The following NETO1 variants were observed in gnomAD, a reference collection of about 807,000 sequenced individuals.
NETO1 encodes neuropilin and tolloid-like protein 1.
A neutral mutation model predicts 61.3 loss-of-function variants in NETO1; 26 were observed. That is an observed-to-expected ratio of 0.42 (90% CI 0.31 to 0.59). The LOEUF (loss-of-function observed/expected upper bound fraction) is 0.59. Among genes scored for constraint, NETO1 ranks in the 20% least tolerant of loss-of-function variants. The pLI is 0.12. For missense variants in NETO1, 531 were observed against 662.8 expected, an observed-to-expected ratio of 0.80 and a Z score of 2.18; for synonymous variants, 225 against 225.8, an observed-to-expected ratio of 1.00 and a Z score of 0.03.
intron 4 of NETO1, among the ~76,000 whole-genome samples, chr18:72,848,698 C>A (rs928893693): frequency 6.6e-6 from 1 of 152,178 alleles, no homozygotes; most frequent in Admixed American, 6.5e-5. Flanking sequence ...GGACTTAACT[C>A]CCCACCCTGT....
At position 72,787,244 on chromosome 18, in the gene NETO1, A is replaced by C. The variant is rs187177258; in HGVS notation, c.640-3338T>G. Among the ~76,000 whole-genome samples, 144 of 151,544 alleles carry C rather than the reference A, an allele frequency of 9.5e-4. No individual in the cohort carries two copies. In the South Asian group the frequency reaches 0.012, roughly 12 times the overall value. On this transcript the variant is annotated intron_variant, in intron 6 of 10. Coordinates refer to ENST00000327305, the MANE Select transcript of NETO1 (RefSeq NM_138966.5). ...ATTCAACAAGTTAATCAGCTCTCAA[A>C]AAAGATGCAATTATAATTGGAAGTA... is the stretch of plus-strand genomic sequence containing the variant.
In NETO1 at chr18:72,750,201, G is replaced by C. The variant is rs1391229627; in HGVS notation, c.1402C>G (p.Pro468Ala). 2 of 1,614,074 alleles carry C rather than the reference G, an allele frequency of 1.2e-6. No homozygotes were observed. Among genetic ancestry groups the C allele is most frequent in the East Asian group, 4.5e-5 (2 of 44,862 alleles). The change falls in exon 9 of 11, where the codon CCA (proline) becomes GCA (alanine). Residue 468 changes from proline to alanine, a missense_variant. Physicochemically the swap from Pro to Ala is conservative, Grantham distance 27 (BLOSUM62 -1). Coordinates refer to ENST00000327305, the MANE Select transcript of NETO1 (RefSeq NM_138966.5). Reference sequence around the variant, plus strand: ...AGGATATTTCTTCTGTTCATGGGTGGGATGAGGGGTTTTCCTGGCTGTGTG... The same window carrying C: ...AGGATATTTCTTCTGTTCATGGGTGCGATGAGGGGTTTTCCTGGCTGTGTG... ...MPTQPGKPLI[P>A]PMNRRNILVM... is the part of the protein sequence containing the mutation.
intron 7 of NETO1, among the ~76,000 whole-genome samples, chr18:72,775,359 T>G (rs984787176): frequency 6.6e-6 from 1 of 152,198 alleles, no homozygotes; most frequent in Non-Finnish European, 1.5e-5. Context: ...CATACCTCCT[T>G]TATACACTCA....
At chr18:72,773,876 A>C (rs1048128089) in intron 7 of NETO1, among the ~76,000 whole-genome samples, 1 of 152,164 alleles carries the variant, frequency 6.6e-6, no homozygotes, top group African/African-American at 2.4e-5. Flanking sequence ...TCTGCCTTCC[A>C]CAGAGTATTT....
chr18:72,809,108 G>A (rs1165426051), intron 4 of NETO1, among the ~76,000 whole-genome samples: 1 of 152,130 alleles, frequency 6.6e-6, no homozygotes. Context: ...GTAAGTTCTA[G>A]CCATCACTCT....
At chr18:72,833,586 A>G (rs2073648583) in intron 4 of NETO1, among the ~76,000 whole-genome samples, 1 of 152,220 alleles carries the variant, frequency 6.6e-6, no homozygotes, top group South Asian at 2.1e-4. Flanking sequence ...CCTGTTGCTC[A>G]ATGCTTTTCT....
At chr18:72,791,533 G>A (rs2072117753) in intron 6 of NETO1, among the ~76,000 whole-genome samples, 1 of 152,196 alleles carries the variant, frequency 6.6e-6, no homozygotes, top group African/African-American at 2.4e-5. Flanking sequence ...GTCCAGCTCT[G>A]CAGGCAGCTT....
At chr18:72,855,562 C>A (rs984787725) in intron 4 of NETO1, among the ~76,000 whole-genome samples, 3 of 152,196 alleles carry the variant, frequency 2.0e-5, no homozygotes, top group Non-Finnish European at 2.9e-5. Context: ...CACATCCGTG[C>A]GGGACCTCCA....
chr18:72,749,232 T>C (rs747810454), intron 9 of NETO1, 144 bp from the exon 10 acceptor site: 1 of 573,578 alleles, frequency 1.7e-6, no homozygotes, highest in African/African-American at 1.9e-5. Flanking sequence ...TCAAATCAAC[T>C]GAAGTATTTT....
intron 4 of NETO1, among the ~76,000 whole-genome samples, chr18:72,819,440 C>A (rs532721153): frequency 1.3e-5 from 2 of 152,216 alleles, no homozygotes; most frequent in Admixed American, 6.5e-5. Flanking sequence ...TTAGATAATT[C>A]TATGATTTCA....
intron 7 of NETO1, among the ~76,000 whole-genome samples, chr18:72,775,908 A>G (rs1454521481): frequency 6.6e-6 from 1 of 152,042 alleles, no homozygotes; most frequent in Non-Finnish European, 1.5e-5. Context: ...CGCTCTCTAA[A>G]CTCTCTTCTA....
chr18:72,773,010 C>G (rs921756182), intron 7 of NETO1, among the ~76,000 whole-genome samples: 1 of 151,398 alleles, frequency 6.6e-6, no homozygotes, highest in African/African-American at 2.4e-5. Flanking sequence ...CAGTAATTTA[C>G]TTAGCTACAT....
intron 4 of NETO1, among the ~76,000 whole-genome samples, chr18:72,800,816 G>A (rs9949339): frequency 0.38 from 57,031 of 151,890 alleles, 11,286 homozygotes; most frequent in Middle Eastern, 0.54. Context: ...GTCTCTTCCT[G>A]TAAATAATAC....
intron 4 of NETO1, among the ~76,000 whole-genome samples, chr18:72,813,519 A>G (rs2072934056): frequency 6.6e-6 from 1 of 152,242 alleles, no homozygotes; most frequent in African/African-American, 2.4e-5. Flanking sequence ...CACAGACCAT[A>G]AAAGAACAAT....
rs957873055 is a variant in NETO1, at chr18:72,745,606, T to C, written c.*2573A>G. ...ACATCTCATTCCTTATCTATGTGTG[T>C]CACCACCTTTAGAATGTGGGCCAAA... On this transcript the variant is annotated 3_prime_UTR_variant, in exon 11 of 11. Coordinates refer to ENST00000327305, the MANE Select transcript of NETO1 (RefSeq NM_138966.5). The C allele has an allele frequency of 3.9e-5, 6 of 152,226 alleles. No homozygotes were observed. 9.4% of individuals were successfully genotyped at this position (152,226 alleles called of 1,614,324 possible).
chr18:72,820,867 T>C (rs1231090936), intron 4 of NETO1, among the ~76,000 whole-genome samples: 1 of 152,182 alleles, frequency 6.6e-6, no homozygotes, highest in African/African-American at 2.4e-5. Context: ...ACTACACTTT[T>C]GGGCCTCCAG....
intron 4 of NETO1, chr18:72,835,435 G>A: frequency 1.4e-6 from 1 of 712,678 alleles, no homozygotes; most frequent in Non-Finnish European, 2.3e-6. Flanking sequence ...CAAATCCAAA[G>A]TAGGAATACA....
chr18:72,799,822 TG>T (rs1686812542), intron 4 of NETO1, among the ~76,000 whole-genome samples: 1 of 152,264 alleles, frequency 6.6e-6, no homozygotes, highest in African/African-American at 2.4e-5. Flanking sequence ...AGAGATTTCT[TG>T]TAGACAAATA....
chr18:72,755,932 C>A, intron 8 of NETO1, 102 bp downstream of exon 8: 1 of 628,666 alleles, frequency 1.6e-6, no homozygotes. Context: ...ATAAAAGGCA[C>A]TATACACTCT....
Sources: allele counts gnomAD v4.1 joint callset (sites outside exome capture counted in the v4.1 genomes callset), GRCh38; gene constraint gnomAD v4.1.1; transcripts MANE v1.5; gene names NCBI Gene and HGNC (gene_info 2026-07-23, HGNC 2026-07-21).